Variants in FAM200C observed in about 807,000 individuals in gnomAD.
chr5:160,394,663 A>T, the FAM200C span: 3 of 1,614,152 alleles, frequency 1.9e-6, no homozygotes, highest in Non-Finnish European at 2.5e-6. Flanking sequence ...TGACAAGTGC[A>T]TGAGGATTCA....
the FAM200C span, chr5:160,394,808 A>C: frequency 6.2e-7 from 1 of 1,614,024 alleles, no homozygotes; most frequent in Admixed American, 1.7e-5. Context: ...CTTATGCTTC[A>C]GAAAGAAGTC....
At chr5:160,394,471 A>C in the FAM200C span, 1 of 1,614,022 alleles carries the variant, frequency 6.2e-7, no homozygotes, top group African/African-American at 1.3e-5. Flanking sequence ...AAATGTGAGT[A>C]AGTATTTGGC....
the FAM200C span, chr5:160,397,508 G>T: frequency 1.3e-5 from 2 of 152,190 alleles, no homozygotes; most frequent in African/African-American, 4.8e-5. Context: ...CTGTGCCAGA[G>T]AATGTGGCTG....
At chr5:160,394,707 C>G in the FAM200C span, 1 of 1,614,130 alleles carries the variant, frequency 6.2e-7, no homozygotes, top group East Asian at 2.2e-5. Flanking sequence ...TGAGGTATCT[C>G]TTTTTTCACG....
At chr5:160,399,658 A>T in the FAM200C span, 1 of 151,970 alleles carries the variant, frequency 6.6e-6, no homozygotes. Flanking sequence ...TTGTTAGGAG[A>T]TTTAATTATA....
the FAM200C span, chr5:160,399,780 G>GA: frequency 2.2e-3 from 320 of 147,570 alleles, 3 homozygotes; most frequent in African/African-American, 7.0e-3. Context: ...CAGCTGCTAG[G>GA]AAAAAAAAAA....
the FAM200C span, chr5:160,393,765 C>T: frequency 1.3e-6 from 2 of 1,561,272 alleles, no homozygotes; most frequent in South Asian, 2.3e-5. Flanking sequence ...AAACGAGGAA[C>T]TTTTTTTGAA....
At chr5:160,398,812 C>T in the FAM200C span, among the ~76,000 whole-genome samples, 2 of 152,146 alleles carry the variant, frequency 1.3e-5, no homozygotes, top group Non-Finnish European at 2.9e-5. Flanking sequence ...TTAGGAATTA[C>T]AATATCCTAA....
chr5:160,394,161 C>A, the FAM200C span: 4 of 1,611,966 alleles, frequency 2.5e-6, no homozygotes, highest in Non-Finnish European at 3.4e-6. Context: ...ATTTCAGCTG[C>A]AATGAATATG....
At chr5:160,396,277 G>C in the FAM200C span, among the ~76,000 whole-genome samples, 2 of 152,046 alleles carry the variant, frequency 1.3e-5, no homozygotes, top group African/African-American at 2.4e-5. Context: ...AGACTAAACA[G>C]GTCTGTAATA....
the FAM200C span, among the ~76,000 whole-genome samples, chr5:160,399,042 T>G: frequency 3.3e-5 from 5 of 152,238 alleles, no homozygotes; most frequent in East Asian, 9.7e-4. Context: ...TGGCCTTAAG[T>G]TGGTAACTCT....
At chr5:160,393,440 G>A in the FAM200C span, 1 of 389,874 alleles carries the variant, frequency 2.6e-6, no homozygotes, top group South Asian at 3.9e-5. Context: ...TAGTGCTTAG[G>A]TATCTTTTTC....
At chr5:160,394,754 GA>G in the FAM200C span, 2 of 1,613,986 alleles carry the variant, frequency 1.2e-6, no homozygotes, top group Admixed American at 1.7e-5. Flanking sequence ...TAGCATAGAG[GA>G]GGCACCATCA....
chr5:160,394,890 C>T, the FAM200C span: 32 of 1,612,086 alleles, frequency 2.0e-5, no homozygotes, highest in South Asian at 1.3e-4. Flanking sequence ...AATTCTTCTA[C>T]GATCTCTCTT....
At chr5:160,395,358 A>G in the FAM200C span, 2 of 1,614,152 alleles carry the variant, frequency 1.2e-6, no homozygotes, top group Non-Finnish European at 1.7e-6. Flanking sequence ...GACAGTTTTG[A>G]TGGTCTGAGG....
the FAM200C span, chr5:160,397,366 T>G: frequency 3.6e-4 from 55 of 152,328 alleles, no homozygotes; most frequent in African/African-American, 1.2e-3. Context: ...AAACCTAAAA[T>G]GAAAGCCATA....
At chr5:160,397,729 A>C in the FAM200C span, among the ~76,000 whole-genome samples, 1 of 152,248 alleles carries the variant, frequency 6.6e-6, no homozygotes, top group Non-Finnish European at 1.5e-5. Flanking sequence ...CAATCAAAAA[A>C]GACAACCTGA....
At chr5:160,394,996 G>C in the FAM200C span, 1 of 1,613,784 alleles carries the variant, frequency 6.2e-7, no homozygotes, top group Non-Finnish European at 8.5e-7. Context: ...GACTGGCTTT[G>C]ATATCTTCTA....
chr5:160,399,044 G>T, the FAM200C span, among the ~76,000 whole-genome samples: 1 of 152,090 alleles, frequency 6.6e-6, no homozygotes, highest in African/African-American at 2.4e-5. Context: ...GCCTTAAGTT[G>T]GTAACTCTTG....
Sources: allele counts gnomAD v4.1 joint callset (sites outside exome capture counted in the v4.1 genomes callset), GRCh38; gene constraint gnomAD v4.1.1; transcripts MANE v1.5.